Variants in CNTNAP2 observed in about 807,000 individuals in gnomAD.
CNTNAP2 encodes contactin-associated protein-like 2.
In CNTNAP2, 98 loss-of-function variants were observed where a neutral mutation model predicts 155.2. That is an observed-to-expected ratio of 0.63 (90% CI 0.54 to 0.75). The LOEUF is 0.75. CNTNAP2 is among the 30% of genes least tolerant of loss of function. The pLI is 0.00. For missense variants in CNTNAP2, 1,727 were observed against 1,688.1 expected, an observed-to-expected ratio of 1.02 and a Z score of -0.40; for synonymous variants, 651 against 631.2, an observed-to-expected ratio of 1.03 and a Z score of -0.47.
At chr7:146,201,557 T>A (rs1798860677) in intron 1 of CNTNAP2, among the ~76,000 whole-genome samples, 1 of 151,898 alleles carries the variant, frequency 6.6e-6, no homozygotes, top group South Asian at 2.1e-4. Context: ...TGGAAAATGA[T>A]AATGCAAAAG....
intron 18 of CNTNAP2, among the ~76,000 whole-genome samples, chr7:148,216,873 C>G (rs976721265): frequency 2.6e-5 from 4 of 152,100 alleles, no homozygotes; most frequent in African/African-American, 9.7e-5. Flanking sequence ...ATAAGTCTCA[C>G]AAGAGCTGAT....
chr7:147,918,581 A>T (rs1352874974), intron 14 of CNTNAP2, among the ~76,000 whole-genome samples: 2 of 152,222 alleles, frequency 1.3e-5, no homozygotes, highest in Non-Finnish European at 2.9e-5. Flanking sequence ...ATGTATAATG[A>T]CTTTATTAAT....
At chr7:146,292,368 G>A (rs972022021) in intron 1 of CNTNAP2, among the ~76,000 whole-genome samples, 7 of 152,120 alleles carry the variant, frequency 4.6e-5, no homozygotes, top group African/African-American at 1.7e-4. Context: ...CCTTTTGATA[G>A]GTGCAGCAAA....
At chr7:147,562,038 A>C in intron 11 of CNTNAP2, 100 bp from the exon 12 acceptor site, 1 of 1,461,266 alleles carries the variant, frequency 6.8e-7, no homozygotes, top group Non-Finnish European at 9.6e-7. Context: ...AACTACTCCT[A>C]ACTAGTGGTT....
At chr7:147,159,201 A>G (rs928946127) in intron 8 of CNTNAP2, among the ~76,000 whole-genome samples, 1 of 152,100 alleles carries the variant, frequency 6.6e-6, no homozygotes, top group African/African-American at 2.4e-5. Flanking sequence ...CATGAATTCA[A>G]ATTGGGAAGT....
chr7:146,859,718 C>A (rs1228717416), intron 3 of CNTNAP2, among the ~76,000 whole-genome samples: 2 of 151,866 alleles, frequency 1.3e-5, no homozygotes, highest in Non-Finnish European at 2.9e-5. Flanking sequence ...TGACTCTAAG[C>A]TTAATTCCAC....
At chr7:146,708,588 A>AT (rs71165029) in intron 1 of CNTNAP2, among the ~76,000 whole-genome samples, 41,222 of 63,220 alleles carry the variant, frequency 0.65, 18,618 homozygotes, top group Non-Finnish European at 0.79. Flanking sequence ...AAAAAAAGTG[A>AT]TTTTTTTTTT....
At chr7:147,188,124 G>T (rs538346935) in intron 8 of CNTNAP2, among the ~76,000 whole-genome samples, 8 of 152,246 alleles carry the variant, frequency 5.3e-5, no homozygotes, top group Middle Eastern at 3.4e-3. Context: ...CTCCAAGAGG[G>T]CACTAGAAAG....
intron 8 of CNTNAP2, among the ~76,000 whole-genome samples, chr7:147,162,679 C>T (rs1169487783): frequency 6.6e-6 from 1 of 152,010 alleles, no homozygotes; most frequent in Non-Finnish European, 1.5e-5. Flanking sequence ...TTAACCAGCA[C>T]CCTCAAAGCA....
At chr7:146,724,475 G>A (rs930742048) in intron 1 of CNTNAP2, among the ~76,000 whole-genome samples, 7 of 144,238 alleles carry the variant, frequency 4.9e-5, no homozygotes, top group Admixed American at 2.1e-4. Flanking sequence ...GATGGGTCTT[G>A]TTCCGTTTGG....
At chr7:147,935,035 G>A (rs984975725) in intron 14 of CNTNAP2, among the ~76,000 whole-genome samples, 2 of 151,052 alleles carry the variant, frequency 1.3e-5, no homozygotes, top group Non-Finnish European at 1.5e-5. Context: ...TTTTAGATAC[G>A]TCCTTTGGTC....
At chr7:148,348,927 T>G (rs1292677898) in intron 21 of CNTNAP2, among the ~76,000 whole-genome samples, 1 of 152,114 alleles carries the variant, frequency 6.6e-6, no homozygotes, top group Non-Finnish European at 1.5e-5. Context: ...AATCCAACAA[T>G]TGTATGACCC....
At chr7:146,858,254 T>G (rs1795031654) in intron 3 of CNTNAP2, among the ~76,000 whole-genome samples, 1 of 152,204 alleles carries the variant, frequency 6.6e-6, no homozygotes. Context: ...ACAGATTCTC[T>G]GCACTCATTT....
At chr7:146,975,940 T>C (rs957131073) in intron 3 of CNTNAP2, among the ~76,000 whole-genome samples, 3 of 152,260 alleles carry the variant, frequency 2.0e-5, no homozygotes, top group Admixed American at 2.0e-4. Flanking sequence ...GGGAGCTAAA[T>C]TTCTTACCTT....
chr7:148,191,779 G>A (rs961535233), intron 18 of CNTNAP2, among the ~76,000 whole-genome samples: 1 of 152,172 alleles, frequency 6.6e-6, no homozygotes, highest in Non-Finnish European at 1.5e-5. Flanking sequence ...CAAGTTAGGG[G>A]TTAGGATTTC....
At chr7:147,393,149 A>C (rs1796751534) in intron 9 of CNTNAP2, among the ~76,000 whole-genome samples, 1 of 152,080 alleles carries the variant, frequency 6.6e-6, no homozygotes, top group South Asian at 2.1e-4. Context: ...TCAGGAGCCA[A>C]AGATTAACGA....
intron 11 of CNTNAP2, among the ~76,000 whole-genome samples, chr7:147,500,749 T>C (rs1008483114): frequency 6.6e-6 from 1 of 152,234 alleles, no homozygotes; most frequent in African/African-American, 2.4e-5. Flanking sequence ...ATACAGCATC[T>C]TAAATTCTTT....
chr7:146,893,015 T>G (rs1795810625), intron 3 of CNTNAP2, among the ~76,000 whole-genome samples: 1 of 152,120 alleles, frequency 6.6e-6, no homozygotes, highest in Non-Finnish European at 1.5e-5. Context: ...GTGACAGTAA[T>G]TGGTAGGAAA....
At chr7:147,384,152 C>A (rs924698226) in intron 9 of CNTNAP2, among the ~76,000 whole-genome samples, 3 of 152,074 alleles carry the variant, frequency 2.0e-5, no homozygotes, top group African/African-American at 4.8e-5. Context: ...ATGGCTGAAA[C>A]ATGGTGACCA....
Sources: allele counts gnomAD v4.1 joint callset (sites outside exome capture counted in the v4.1 genomes callset), GRCh38; gene constraint gnomAD v4.1.1; transcripts MANE v1.5; gene names NCBI Gene and HGNC (gene_info 2026-07-23, HGNC 2026-07-21).